Variants in SH3GL2 observed in about 807,000 individuals in gnomAD.
SH3GL2 encodes SH3 domain containing GRB2 like 2, endophilin A1.
A neutral mutation model predicts 46.0 loss-of-function variants in SH3GL2; 24 were observed. The ratio of observed to expected loss-of-function variants is 0.52; its 90% CI spans 0.38 to 0.73. The LOEUF is 0.73. Ranked by LOEUF, SH3GL2 falls within the 30% of genes least tolerant of loss-of-function variation. The pLI, the probability that SH3GL2 is intolerant of heterozygous loss-of-function variation, is 0.00. For synonymous variants in SH3GL2, 196 were observed against 147.1 expected, an observed-to-expected ratio of 1.33 and a Z score of -2.40; for missense variants, 413 against 424.2, an observed-to-expected ratio of 0.97 and a Z score of 0.23.
intron 1 of SH3GL2, among the ~76,000 whole-genome samples, chr9:17,693,587 AAAAG>A (rs1212382381): frequency 6.6e-6 from 1 of 152,186 alleles, no homozygotes; most frequent in East Asian, 1.9e-4. Flanking sequence ...CACACATATA[AAAAG>A]AAAGGCTGCC....
chr9:17,715,080 A>G (rs1483212870), intron 1 of SH3GL2, among the ~76,000 whole-genome samples: 1 of 151,692 alleles, frequency 6.6e-6, no homozygotes, highest in Non-Finnish European at 1.5e-5. Context: ...TTGCATATGC[A>G]GTATTCATAG....
intron 2 of SH3GL2, among the ~76,000 whole-genome samples, chr9:17,751,905 T>G (rs1822859630): frequency 6.6e-6 from 1 of 152,174 alleles, no homozygotes; most frequent in Non-Finnish European, 1.5e-5. Context: ...CAAGATGAGC[T>G]TTGAAGACAT....
chr9:17,625,203 G>A (rs1819253576), intron 1 of SH3GL2, among the ~76,000 whole-genome samples: 1 of 152,154 alleles, frequency 6.6e-6, no homozygotes. Context: ...GGTTCATCCT[G>A]TGTGAATGGG....
chr9:17,633,226 G>C (rs1438090082), intron 1 of SH3GL2, among the ~76,000 whole-genome samples: 2 of 152,204 alleles, frequency 1.3e-5, no homozygotes, highest in African/African-American at 4.8e-5. Context: ...AATGCCAGTA[G>C]AATGAGACGC....
intron 2 of SH3GL2, among the ~76,000 whole-genome samples, chr9:17,759,518 C>T (rs1471390879): frequency 1.3e-5 from 2 of 152,190 alleles, no homozygotes; most frequent in Non-Finnish European, 2.9e-5. Flanking sequence ...AGAACACACA[C>T]ACTGGAACTA....
At chr9:17,645,791 G>A (rs916031874) in intron 1 of SH3GL2, among the ~76,000 whole-genome samples, 4 of 152,080 alleles carry the variant, frequency 2.6e-5, no homozygotes, top group Non-Finnish European at 4.4e-5. Context: ...CTTTCTCACT[G>A]CTTGCACTTA....
At chr9:17,625,190 A>G (rs1819253267) in intron 1 of SH3GL2, among the ~76,000 whole-genome samples, 1 of 151,956 alleles carries the variant, frequency 6.6e-6, no homozygotes. Flanking sequence ...CCCCTTTAAC[A>G]TTGGTTCATC....
chr9:17,789,099 G>T (rs1824048514), intron 5 of SH3GL2, among the ~76,000 whole-genome samples: 1 of 152,214 alleles, frequency 6.6e-6, no homozygotes, highest in African/African-American at 2.4e-5. Context: ...GTCATGGGCT[G>T]CAAAGGCTTA....
chr9:17,621,531 G>A (rs1819138536), intron 1 of SH3GL2, among the ~76,000 whole-genome samples: 1 of 152,170 alleles, frequency 6.6e-6, no homozygotes, highest in Admixed American at 6.5e-5. Flanking sequence ...GATTCATACA[G>A]AATATTGCCA....
At chr9:17,698,818 G>C (rs2118185636) in intron 1 of SH3GL2, among the ~76,000 whole-genome samples, 1 of 152,050 alleles carries the variant, frequency 6.6e-6, no homozygotes, top group Admixed American at 6.6e-5. Flanking sequence ...TTTTCTTTTA[G>C]CTTTTGTTCT....
chr9:17,627,406 C>A (rs1819308223), intron 1 of SH3GL2, among the ~76,000 whole-genome samples: 1 of 152,014 alleles, frequency 6.6e-6, no homozygotes, highest in Non-Finnish European at 1.5e-5. Flanking sequence ...CATTCCTGGC[C>A]CACCCGAGAG....
At chr9:17,749,727 G>A (rs1822791682) in intron 2 of SH3GL2, among the ~76,000 whole-genome samples, 1 of 152,172 alleles carries the variant, frequency 6.6e-6, no homozygotes, top group African/African-American at 2.4e-5. Flanking sequence ...TAGACCTTTG[G>A]AGATTTATTT....
intron 1 of SH3GL2, among the ~76,000 whole-genome samples, chr9:17,695,218 A>T (rs1296516086): frequency 6.6e-6 from 1 of 152,088 alleles, no homozygotes; most frequent in Non-Finnish European, 1.5e-5. Flanking sequence ...CATAAGATGA[A>T]ATATCTTATC....
chr9:17,656,235 C>T (rs3824385), intron 1 of SH3GL2, among the ~76,000 whole-genome samples: 76,119 of 151,674 alleles, frequency 0.5, 19,932 homozygotes, highest in African/African-American at 0.62. Flanking sequence ...TTTGGTAGAC[C>T]GATTTGCATT....
chr9:17,644,601 A>G (rs1463941728), intron 1 of SH3GL2, among the ~76,000 whole-genome samples: 1 of 152,190 alleles, frequency 6.6e-6, no homozygotes, highest in Non-Finnish European at 1.5e-5. Flanking sequence ...ATTCAGGAGC[A>G]GGTTGTTCAG....
intron 1 of SH3GL2, among the ~76,000 whole-genome samples, chr9:17,608,074 A>G (rs7038734): frequency 0.035 from 5,303 of 151,790 alleles, 335 homozygotes; most frequent in African/African-American, 0.12. Context: ...GCACTTGTAT[A>G]TATAAACAAG....
chr9:17,701,078 C>T (rs1240186664), intron 1 of SH3GL2, among the ~76,000 whole-genome samples: 1 of 152,042 alleles, frequency 6.6e-6, no homozygotes, highest in Non-Finnish European at 1.5e-5. Flanking sequence ...TCCATAGATT[C>T]AGCTTAAAGT....
chr9:17,742,224 A>G (rs1822547558), intron 1 of SH3GL2, among the ~76,000 whole-genome samples: 1 of 152,184 alleles, frequency 6.6e-6, no homozygotes, highest in Non-Finnish European at 1.5e-5. Context: ...AGTAAATGAA[A>G]TGCAATGCTG....
At chr9:17,665,312 C>T (rs1353221009) in intron 1 of SH3GL2, among the ~76,000 whole-genome samples, 2 of 152,240 alleles carry the variant, frequency 1.3e-5, no homozygotes, top group South Asian at 2.1e-4. Context: ...TTTCTCTCCT[C>T]CACTGGGTCC....
Sources: allele counts gnomAD v4.1 joint callset (sites outside exome capture counted in the v4.1 genomes callset), GRCh38; gene constraint gnomAD v4.1.1; transcripts MANE v1.5; gene names NCBI Gene and HGNC (gene_info 2026-07-23, HGNC 2026-07-21).